KDM3B: variants seen among roughly 807,000 people sequenced by gnomAD.
KDM3B encodes lysine demethylase 3B.
In KDM3B, 10 loss-of-function variants were observed where a neutral mutation model predicts 170.0. That is an observed-to-expected ratio of 0.06 (90% CI 0.04 to 0.10). The LOEUF (loss-of-function observed/expected upper bound fraction) is 0.10. Ranked by LOEUF, KDM3B falls within the 10% of genes least tolerant of loss-of-function variation. The pLI, the probability that KDM3B is intolerant of heterozygous loss-of-function variation, is 1.00. For missense variants in KDM3B, 1,394 were observed against 2,195.2 expected (o/e 0.64, Z 7.29); for synonymous variants, 831 against 834.8 (o/e 1.00, Z 0.08).
At chr5:138,377,890 G>A in intron 4 of KDM3B, 65 bp downstream of exon 4, 15 of 1,179,198 alleles carry the variant, frequency 1.3e-5, no homozygotes, top group East Asian at 2.4e-5. Context: ...TTGAGTGATA[G>A]TATGGAATCC....
chr5:138,420,767 G>A lies in KDM3B; in HGVS notation c.3777G>A (p.Ser1259=), dbSNP rs968087107. 57 of 1,613,978 alleles carry A rather than the reference G, an allele frequency of 3.5e-5. No homozygotes were observed. Among genetic ancestry groups the A allele is most frequent in the Non-Finnish European group, 4.5e-5 (53 of 1,180,026 alleles). Residue 1259 remains serine, a synonymous_variant, in exon 15 of 24, where the codon TCG becomes TCA. Coordinates refer to ENST00000314358, the MANE Select transcript of KDM3B (RefSeq NM_016604.4). The part of the protein sequence containing the change: ...KESHSPFGLD[S]FNSTAKVSPL... ...CTCATTCACCCTTTGGGCTGGACTC[G>A]TTCAACTCCACTGCAAAGGTCTCTC... is the stretch of plus-strand genomic sequence containing the variant.
intron 14 of KDM3B, among the ~76,000 whole-genome samples, chr5:138,420,115 C>T (rs926045958): frequency 4.6e-5 from 7 of 152,092 alleles, no homozygotes; most frequent in Admixed American, 2.0e-4. Flanking sequence ...CTCAAACTCC[C>T]GACCTCAAGT....
rs368881145 is a variant in KDM3B at position 138,392,059 on chromosome 5, C to T, written c.2427C>T (p.Asp809=). 6.2e-7 allele frequency: 1 copy of T among 1,613,844 alleles called. No individual in the cohort carries two copies. The highest frequency in any genetic ancestry group is 1.3e-5 in the African/African-American group (1 of 74,936). ...AACGAAGCTTGGCTTGCAGACAAGA[C>T]TCGGACTCCAGCACCAACAGTGACC... ...LDERSLACRQ[D]SDSSTNSDLS... Residue 809 remains aspartate (D), a synonymous_variant, in exon 8 of 24, where the codon GAC becomes GAT. Coordinates refer to ENST00000314358, the MANE Select transcript of KDM3B (RefSeq NM_016604.4).
intron 11 of KDM3B, among the ~76,000 whole-genome samples, chr5:138,404,626 T>TAA (rs574323887): frequency 5.3e-4 from 75 of 142,462 alleles, no homozygotes; most frequent in Non-Finnish European, 7.0e-4. Context: ...AAACTCCATC[T>TAA]AAAAAAAAAA....
chr5:138,422,912 A>G (rs2126997029), intron 15 of KDM3B, among the ~76,000 whole-genome samples: 1 of 152,196 alleles, frequency 6.6e-6, no homozygotes, highest in Admixed American at 6.5e-5. Context: ...AGCCCTCTAT[A>G]CAATTTGGGT....
At chr5:138,384,437 T>TA (rs576705947) in intron 6 of KDM3B, among the ~76,000 whole-genome samples, 52 of 151,272 alleles carry the variant, frequency 3.4e-4, no homozygotes, top group African/African-American at 1.1e-3. Flanking sequence ...TCATCTCTAC[T>TA]AAAAAAATAC....
At chr5:138,361,797 T>G (rs1471189480) in intron 1 of KDM3B, among the ~76,000 whole-genome samples, 2 of 152,240 alleles carry the variant, frequency 1.3e-5, no homozygotes, top group Non-Finnish European at 2.9e-5. Context: ...CCCAGCATGT[T>G]GTTTTTATTC....
intron 7 of KDM3B, among the ~76,000 whole-genome samples, chr5:138,388,547 G>T (rs985755249): frequency 6.6e-6 from 1 of 151,640 alleles, no homozygotes; most frequent in Non-Finnish European, 1.5e-5. Flanking sequence ...CAGGAGAATG[G>T]CGTGAACCCG....
intron 10 of KDM3B, among the ~76,000 whole-genome samples, 165 bp from the exon 11 acceptor site, chr5:138,399,695 A>G (rs1485174889): frequency 1.3e-5 from 2 of 152,168 alleles, no homozygotes; most frequent in Non-Finnish European, 2.9e-5. Context: ...CAGAAATACT[A>G]GAAATTATTG....
intron 6 of KDM3B, among the ~76,000 whole-genome samples, chr5:138,382,997 G>GT (rs959059841): frequency 6.6e-6 from 1 of 152,120 alleles, no homozygotes; most frequent in Non-Finnish European, 1.5e-5. Context: ...TGGTCTCAAT[G>GT]TTGTAGGCTG....
chr5:138,358,540 AG>A (rs892993798), intron 1 of KDM3B, among the ~76,000 whole-genome samples: 2 of 150,624 alleles, frequency 1.3e-5, no homozygotes, highest in African/African-American at 4.9e-5. Flanking sequence ...CCCTGACTTC[AG>A]GTGATCCACC....
chr5:138,372,577 A>T (rs914463199), intron 1 of KDM3B, 97 bp from the exon 2 acceptor site: 1 of 982,624 alleles, frequency 1.0e-6, no homozygotes, highest in Non-Finnish European at 1.5e-6. Flanking sequence ...AATTATTCCT[A>T]GTCAGTTGTT....
At chr5:138,385,550 G>T (rs1762236654) in intron 6 of KDM3B, among the ~76,000 whole-genome samples, 1 of 152,208 alleles carries the variant, frequency 6.6e-6, no homozygotes, top group African/African-American at 2.4e-5. Flanking sequence ...TTTTCCTTTG[G>T]TCACAGACTC....
chr5:138,372,944 C>A, intron 2 of KDM3B, 103 bp downstream of exon 2: 1 of 999,776 alleles, frequency 1.0e-6, no homozygotes, highest in Non-Finnish European at 1.4e-6. Flanking sequence ...ATACTTTGTC[C>A]TTAACGTACA....
intron 1 of KDM3B, among the ~76,000 whole-genome samples, chr5:138,361,688 T>C (rs1761613381): frequency 6.6e-6 from 1 of 152,218 alleles, no homozygotes; most frequent in African/African-American, 2.4e-5. Flanking sequence ...CTTTTAATGC[T>C]GTCATCCATT....
At chr5:138,426,928 ACCAG>A in intron 17 of KDM3B, 43 bp from the exon 18 acceptor site, 1 of 1,428,228 alleles carries the variant, frequency 7.0e-7, no homozygotes, top group African/African-American at 1.4e-5. Flanking sequence ...AAAATCGGAC[ACCAG>A]CCAAACCAGC....
chr5:138,387,328 A>C (rs968343531), intron 7 of KDM3B, among the ~76,000 whole-genome samples: 36 of 152,188 alleles, frequency 2.4e-4, no homozygotes, highest in African/African-American at 8.2e-4. Flanking sequence ...TTGGTCACCA[A>C]AATATGATTT....
At chr5:138,358,760 TTTTATTTA>T (rs1016828848) in intron 1 of KDM3B, among the ~76,000 whole-genome samples, 1 of 149,950 alleles carries the variant, frequency 6.7e-6, no homozygotes, top group Non-Finnish European at 1.5e-5. Flanking sequence ...ATTCTCAGCT[TTTTATTTA>T]TTTATTTATT....
rs568670135 is a variant in KDM3B, at chr5:138,404,945, T to C, written c.3199+4933T>C. On this transcript the variant is annotated intron_variant, in intron 11 of 23. Transcript: ENST00000314358. Reference sequence around the variant, plus strand: ...AGAGACAGTGTTTCGCCATGTTAATTAATCAGGCTGGTCTCAAACTCCTGA... The same window carrying C: ...AGAGACAGTGTTTCGCCATGTTAATCAATCAGGCTGGTCTCAAACTCCTGA... Among the ~76,000 whole-genome samples the C allele has an allele frequency of 9.9e-5, 15 of 151,960 alleles. No homozygotes were observed. The South Asian group carries it at 2.9e-3, about 30-fold the overall frequency.
Sources: gnomAD v4.1 joint callset for allele counts (sites outside exome capture counted in the v4.1 genomes callset) on GRCh38, gnomAD v4.1.1 for gene constraint, MANE v1.5 for transcripts, NCBI Gene and HGNC (gene_info 2026-07-23, HGNC 2026-07-21) for gene names.